The following RAP1A variants were observed in gnomAD, a reference collection of about 807,000 sequenced individuals.
The protein encoded by RAP1A is RAP1A, member of RAS oncogene family.
RAP1A carries 6 observed loss-of-function variants against 26.4 expected under a neutral mutation model. The ratio of observed to expected loss-of-function variants is 0.23; its 90% CI spans 0.12 to 0.45. The LOEUF is 0.45. Ranked by LOEUF, RAP1A falls within the 20% of genes least tolerant of loss-of-function variation. The probability of loss-of-function intolerance (pLI) is 0.99; values close to 1 mark genes in which losing one functional copy is unlikely to be tolerated. For missense variants in RAP1A, 121 were observed against 217.2 expected, an observed-to-expected ratio of 0.56 and a Z score of 2.78; for synonymous variants, 73 against 79.4, an observed-to-expected ratio of 0.92 and a Z score of 0.43.
At chr1:111,644,220 G>T (rs929222881) in intron 1 of RAP1A, among the ~76,000 whole-genome samples, 3 of 152,138 alleles carry the variant, frequency 2.0e-5, no homozygotes, top group African/African-American at 7.2e-5. Context: ...AGAACAAATG[G>T]CTAAAATGGT....
At chr1:111,627,472 T>C (rs1659435489) in intron 1 of RAP1A, 2 of 152,060 alleles carry the variant, frequency 1.3e-5, no homozygotes, top group African/African-American at 4.8e-5. Flanking sequence ...TCCTGTAGGA[T>C]AGATTCCCAG....
At chr1:111,588,856 G>T (rs1028474334) in intron 1 of RAP1A, among the ~76,000 whole-genome samples, 3 of 152,180 alleles carry the variant, frequency 2.0e-5, no homozygotes, top group South Asian at 2.1e-4. Flanking sequence ...TTGGCTGAAG[G>T]TGTTAAAAAT....
rs750560490 is a variant in RAP1A at position 111,635,670 on chromosome 1, A to G, written c.-28+15736A>G. On this transcript the variant is annotated intron_variant, in intron 1 of 7. Transcript: ENST00000369709. ...AACCTCTGCCTGCAGGGTTCAAGCA[A>G]TTCTCATGCCTCAGCCTCCCAGGTA... 7.2e-5 allele frequency among the ~76,000 whole-genome samples: 11 copies of G among 152,098 alleles called. 1 individual carries two copies. Among genetic ancestry groups the G allele is most frequent in the African/African-American group, 1.7e-4 (7 of 41,362 alleles).
At chr1:111,688,248 A>G (rs1661551542) in intron 1 of RAP1A, among the ~76,000 whole-genome samples, 1 of 149,344 alleles carries the variant, frequency 6.7e-6, no homozygotes, top group African/African-American at 2.5e-5. Flanking sequence ...CTTGTCTTGC[A>G]TAGCTTCACA....
upstream of RAP1A, among the ~76,000 whole-genome samples, chr1:111,618,736 G>A (rs1452542031): frequency 6.6e-6 from 1 of 152,064 alleles, no homozygotes; most frequent in Non-Finnish European, 1.5e-5. Flanking sequence ...CATCAGGCCC[G>A]AACCTAAGAA....
At chr1:111,638,778 TTAA>T (rs1021578273) in intron 1 of RAP1A, among the ~76,000 whole-genome samples, 60 of 152,336 alleles carry the variant, frequency 3.9e-4, no homozygotes, top group African/African-American at 1.4e-3. Context: ...GGACCAGATG[TTAA>T]TTACTTTTGT....
Position 111,673,971 on chromosome 1 carries a change from C to T in RAP1A, c.-27-17363C>T, listed in dbSNP as rs116343391. ...TGGCTTTGGAACTTGAATGTCTTGC[C>T]ATTTTAGTTGAGGAACAGGGGCCAA... is the stretch of plus-strand genomic sequence containing the variant. On this transcript the variant is annotated intron_variant, in intron 1 of 7. Coordinates refer to ENST00000369709, the MANE Select transcript of RAP1A (RefSeq NM_002884.4). Among the ~76,000 whole-genome samples, 324 of 152,208 alleles carry T rather than the reference C, an allele frequency of 2.1e-3. 1 individual carries two copies. Among genetic ancestry groups the T allele is most frequent in the African/African-American group, 7.6e-3 (316 of 41,522 alleles).
At chr1:111,646,255 C>T (rs983618733) in intron 1 of RAP1A, among the ~76,000 whole-genome samples, 4 of 151,640 alleles carry the variant, frequency 2.6e-5, no homozygotes, top group Non-Finnish European at 4.4e-5. Flanking sequence ...CACAACGTAA[C>T]ATGGGTTTGG....
intron 1 of RAP1A, among the ~76,000 whole-genome samples, chr1:111,614,499 G>C (rs905227905): frequency 6.6e-6 from 1 of 152,176 alleles, no homozygotes; most frequent in Admixed American, 6.5e-5. Context: ...TGCTTTTCCT[G>C]TCAGTTCTAA....
At chr1:111,606,259 G>C (rs1658774767) in intron 1 of RAP1A, among the ~76,000 whole-genome samples, 1 of 152,036 alleles carries the variant, frequency 6.6e-6, no homozygotes, top group Non-Finnish European at 1.5e-5. Context: ...CTAAAGACAG[G>C]TAAAATGCCC....
At chr1:111,690,385 A>G (rs1419201189) in intron 1 of RAP1A, among the ~76,000 whole-genome samples, 8 of 152,218 alleles carry the variant, frequency 5.3e-5, no homozygotes, top group Non-Finnish European at 8.8e-5. Flanking sequence ...CACAGACTCA[A>G]GTGAATCCTT....
chr1:111,584,765 T>TGGCCTGATGTG (rs775311801), intron 1 of RAP1A, among the ~76,000 whole-genome samples: 4 of 152,066 alleles, frequency 2.6e-5, no homozygotes, highest in Non-Finnish European at 5.9e-5. Context: ...GTGACCAGAA[T>TGGCCTGATGTG]GCCATTATTT....
intron 1 of RAP1A, among the ~76,000 whole-genome samples, chr1:111,564,414 G>T (rs1657863256): frequency 6.6e-6 from 1 of 152,040 alleles, no homozygotes; most frequent in Admixed American, 6.6e-5. Flanking sequence ...GGAGGCTGAG[G>T]TAGGAGGATC....
chr1:111,664,955 T>G (rs1660757052), intron 1 of RAP1A, among the ~76,000 whole-genome samples: 1 of 152,226 alleles, frequency 6.6e-6, no homozygotes, highest in Admixed American at 6.5e-5. Flanking sequence ...AGAGCAACAT[T>G]TAAAATCTAG....
At chr1:111,564,714 G>A (rs907961756) in intron 1 of RAP1A, among the ~76,000 whole-genome samples, 1 of 151,210 alleles carries the variant, frequency 6.6e-6, no homozygotes, top group South Asian at 2.1e-4. Context: ...GGGTTTCACC[G>A]AGTCAGCCAG....
intron 1 of RAP1A, among the ~76,000 whole-genome samples, chr1:111,561,411 C>T (rs966203550): frequency 9.2e-5 from 14 of 152,300 alleles, no homozygotes; most frequent in African/African-American, 7.2e-5. Flanking sequence ...CGTGAGCCAC[C>T]GTGCCCAGCT....
At chr1:111,623,911 GCT>G (rs1198652330) in intron 1 of RAP1A, among the ~76,000 whole-genome samples, 3 of 152,128 alleles carry the variant, frequency 2.0e-5, no homozygotes, top group African/African-American at 7.2e-5. Context: ...AAAGCACCTT[GCT>G]CTGTTTCTGA....
At chr1:111,651,539 C>G (rs548247631) in intron 1 of RAP1A, among the ~76,000 whole-genome samples, 119 of 147,564 alleles carry the variant, frequency 8.1e-4, no homozygotes, top group Non-Finnish European at 1.6e-3. Flanking sequence ...TGCAGTGGCA[C>G]GATCTTGGCT....
intron 1 of RAP1A, among the ~76,000 whole-genome samples, chr1:111,546,150 A>G (rs1160146853): frequency 6.6e-6 from 1 of 152,160 alleles, no homozygotes; most frequent in Non-Finnish European, 1.5e-5. Context: ...CCATTTCTGC[A>G]AAAACCAAGG....
Sources: allele counts gnomAD v4.1 joint callset (sites outside exome capture counted in the v4.1 genomes callset), GRCh38; gene constraint gnomAD v4.1.1; transcripts MANE v1.5; gene names NCBI Gene and HGNC (gene_info 2026-07-23, HGNC 2026-07-21).